Variants in MUSK observed in about 807,000 individuals in gnomAD.
MUSK encodes the protein muscle, skeletal receptor tyrosine-protein kinase.
A neutral mutation model predicts 88.7 loss-of-function variants in MUSK; 55 were observed. The observed-to-expected ratio is 0.62, with a 90% confidence interval of 0.50 to 0.78. The LOEUF (loss-of-function observed/expected upper bound fraction) is 0.78, where lower values mean the gene tolerates loss of function less well. Among genes scored for constraint, MUSK ranks in the 30% least tolerant of loss-of-function variants. The probability of loss-of-function intolerance (pLI) is 0.00; values close to 1 mark genes in which losing one functional copy is unlikely to be tolerated. For missense variants in MUSK, 1,015 were observed against 1,074.3 expected (o/e 0.94, Z 0.77); for synonymous variants, 387 against 391.9 (o/e 0.99, Z 0.15).
chr9:110,672,869 T>C (rs2075978012), intron 1 of MUSK, among the ~76,000 whole-genome samples: 1 of 152,102 alleles, frequency 6.6e-6, no homozygotes, highest in Non-Finnish European at 1.5e-5. Flanking sequence ...GGAAAGGTAA[T>C]GTCATGTCCT....
intron 5 of MUSK, among the ~76,000 whole-genome samples, chr9:110,716,848 A>G (rs1189569278): frequency 6.7e-6 from 1 of 149,960 alleles, no homozygotes; most frequent in East Asian, 1.9e-4. Context: ...TCCTCTGCAG[A>G]TTGCATTTTT....
intron 14 of MUSK, 42 bp from the exon 15 acceptor site, chr9:110,800,264 T>C (rs1433089598): frequency 6.5e-7 from 1 of 1,529,200 alleles, no homozygotes; most frequent in South Asian, 1.2e-5. Flanking sequence ...CATTGTTTCA[T>C]TGTAGAAACT....
chr9:110,764,967 T>C (rs960645757), intron 8 of MUSK, among the ~76,000 whole-genome samples: 5 of 152,186 alleles, frequency 3.3e-5, no homozygotes, highest in Admixed American at 6.5e-5. Flanking sequence ...GAGGATTCAA[T>C]ACTAGCAGAA....
At chr9:110,784,578 A>G (rs1168143586) in intron 11 of MUSK, among the ~76,000 whole-genome samples, 1 of 152,156 alleles carries the variant, frequency 6.6e-6, no homozygotes, top group Admixed American at 6.5e-5. Flanking sequence ...ATCTACATTT[A>G]TCTCAGAAAA....
At position 110,762,226 on chromosome 9, in the gene MUSK, T is replaced by G. The variant is rs2131931916; in HGVS notation, c.920+18T>G. 7.1e-7 allele frequency: 1 copy of G among 1,415,220 alleles called. No individual in the cohort carries two copies. The highest frequency in any genetic ancestry group is 2.5e-5 in the East Asian group (1 of 40,652). The allele number at this position is 1,415,220 out of a possible 1,614,324, so 87.7% of individuals were successfully genotyped here. On this transcript the variant is annotated intron_variant, in intron 8 of 14. Coordinates refer to ENST00000374448, the MANE Select transcript of MUSK (RefSeq NM_005592.4). ...GAATGGAGGTAAGAAACTGTTATTGTAACAATTGTTTCCAATGTTTTGTTT... is the reference window on the plus strand; with the variant it reads ...GAATGGAGGTAAGAAACTGTTATTGGAACAATTGTTTCCAATGTTTTGTTT...
At chr9:110,694,712 T>G (rs2076409742) in intron 3 of MUSK, among the ~76,000 whole-genome samples, 1 of 152,174 alleles carries the variant, frequency 6.6e-6, no homozygotes, top group African/African-American at 2.4e-5. Context: ...ATCCTGAACT[T>G]ATCAATTCTT....
intron 7 of MUSK, among the ~76,000 whole-genome samples, chr9:110,751,261 C>CA (rs988144740): frequency 4.7e-4 from 72 of 152,242 alleles, no homozygotes; most frequent in African/African-American, 1.7e-3. Flanking sequence ...AACGGAACAC[C>CA]AACAGGGAAA....
Position 110,804,883 on chromosome 9 carries a change from T to TAGATAGATAGATGATACATAGAGAG in MUSK, c.*3908_*3932dup, listed in dbSNP as rs2078143045. On this transcript the variant is annotated 3_prime_UTR_variant, in exon 15 of 15. Transcript: ENST00000374448. ...GTAGGTAAGTAGGTTGGTAGGTAAATAGATAGATAGATGATACATAGAGAG... is the reference window on the plus strand; with the variant it reads ...GTAGGTAAGTAGGTTGGTAGGTAAATAGATAGATAGATGATACATAGAGAGAGATAGATAGATGATACATAGAGAG... Among the ~76,000 whole-genome samples, 1 of 151,856 alleles carries TAGATAGATAGATGATACATAGAGAG rather than the reference T, an allele frequency of 6.6e-6. No individual in the cohort carries two copies. Among genetic ancestry groups the TAGATAGATAGATGATACATAGAGAG allele is most frequent in the Admixed American group, 6.6e-5 (1 of 15,246 alleles).
intron 6 of MUSK, among the ~76,000 whole-genome samples, chr9:110,746,395 C>T (rs1239670693): frequency 6.6e-6 from 1 of 152,116 alleles, no homozygotes; most frequent in Non-Finnish European, 1.5e-5. Context: ...GTAGTTGTTA[C>T]TCTTGTTTTC....
rs939675508 is a variant in MUSK, at chr9:110,802,655, T to C, written c.*1667T>C. On this transcript the variant is annotated 3_prime_UTR_variant, in exon 15 of 15. Transcript: ENST00000374448. ...TCTTTCATCATCAGTTTTCTATTAGTTTTACTTCCTAAAATCCTCCTGCTG... is the reference window on the plus strand; with the variant it reads ...TCTTTCATCATCAGTTTTCTATTAGCTTTACTTCCTAAAATCCTCCTGCTG... Among the ~76,000 whole-genome samples the C allele has an allele frequency of 6.6e-6, 1 of 152,148 alleles. No homozygotes were observed.
Position 110,681,057 on chromosome 9 carries a change from TTATATATATAATATTA to T in MUSK, c.80-1609_80-1594del, listed in dbSNP as rs1237559185. On this transcript the variant is annotated intron_variant, in intron 1 of 14. Transcript: ENST00000374448. The stretch of plus-strand genomic sequence containing the variant: ...TATATTATATAATATATATTATATA[TTATATATATAATATTA>T]TATATATTATATAATATATATTATA... 2.0e-4 allele frequency among the ~76,000 whole-genome samples: 4 copies of T among 20,212 alleles called. 1 individual carries two copies. Among genetic ancestry groups the T allele is most frequent in the Non-Finnish European group, 3.4e-4 (4 of 11,778 alleles). 13.3% of individuals were successfully genotyped at this position (20,212 alleles called of 152,430 possible). A position where few individuals can be genotyped will look rare whatever the true frequency, so the allele number is the denominator to read the frequency against.
At position 110,668,836 on chromosome 9, in the gene MUSK, G is replaced by A; in HGVS notation, c.-69G>A. On this transcript the variant is annotated 5_prime_UTR_variant, in exon 1 of 15. The change abolishes an upstream ATG in the 5' untranslated region. Transcript: ENST00000374448. ...TTTGCAACAAAGTATGCTTTAAAATGTAAACTGTGGAGCCATTTTCCTTGC... is the reference window on the plus strand; with the variant it reads ...TTTGCAACAAAGTATGCTTTAAAATATAAACTGTGGAGCCATTTTCCTTGC... 1 of 1,246,022 alleles carries A rather than the reference G, an allele frequency of 8.0e-7. No individual in the cohort carries two copies. The highest frequency in any genetic ancestry group is 1.2e-5 in the South Asian group (1 of 82,310). 77.2% of individuals were successfully genotyped at this position (1,246,022 alleles called of 1,614,324 possible). A position where few individuals can be genotyped will look rare whatever the true frequency, so the allele number is the denominator to read the frequency against.
chr9:110,748,845 G>A (rs2077211528), intron 7 of MUSK, among the ~76,000 whole-genome samples: 1 of 152,192 alleles, frequency 6.6e-6, no homozygotes, highest in Non-Finnish European at 1.5e-5. Flanking sequence ...CTCTGGGACT[G>A]CCTATGAAGG....
chr9:110,782,842 G>A (rs192635115), intron 11 of MUSK, among the ~76,000 whole-genome samples: 2 of 152,290 alleles, frequency 1.3e-5, no homozygotes, highest in Admixed American at 1.3e-4. Flanking sequence ...TGCCGGATGA[G>A]GCATGCTGTC....
At chr9:110,722,209 A>T (rs1213989311) in intron 5 of MUSK, among the ~76,000 whole-genome samples, 1 of 152,180 alleles carries the variant, frequency 6.6e-6, no homozygotes, top group Admixed American at 6.6e-5. Flanking sequence ...AAGAACTAAA[A>T]GCAAATGCAA....
chr9:110,748,114 T>G, intron 7 of MUSK: 1 of 441,270 alleles, frequency 2.3e-6, no homozygotes, highest in South Asian at 1.8e-5. Flanking sequence ...CCCTCCCTCC[T>G]TCCCTCCCTC....
intron 5 of MUSK, among the ~76,000 whole-genome samples, chr9:110,715,033 G>A (rs561648761): frequency 2.7e-5 from 4 of 149,646 alleles, no homozygotes; most frequent in Admixed American, 1.3e-4. Flanking sequence ...TTTTAACACC[G>A]GAAAAGGGTA....
intron 8 of MUSK, among the ~76,000 whole-genome samples, chr9:110,763,233 A>G (rs2077427422): frequency 6.6e-6 from 1 of 152,168 alleles, no homozygotes; most frequent in Non-Finnish European, 1.5e-5. Context: ...TTTTAAGTAT[A>G]TAGGATAGTG....
chr9:110,731,131 T>C (rs1005039087), intron 5 of MUSK, among the ~76,000 whole-genome samples: 2 of 152,066 alleles, frequency 1.3e-5, no homozygotes, highest in Non-Finnish European at 2.9e-5. Context: ...ATTCATTGAG[T>C]GCCTACCATA....
Sources: allele counts gnomAD v4.1 joint callset (sites outside exome capture counted in the v4.1 genomes callset), GRCh38; gene constraint gnomAD v4.1.1; transcripts MANE v1.5; gene names NCBI Gene and HGNC (gene_info 2026-07-23, HGNC 2026-07-21).